PDGFC: variants seen among roughly 807,000 people sequenced by gnomAD.
The protein encoded by PDGFC is platelet derived growth factor C.
A neutral mutation model predicts 35.5 loss-of-function variants in PDGFC; 12 were observed. The ratio of observed to expected loss-of-function variants is 0.34; its 90% CI spans 0.22 to 0.55. The LOEUF is 0.55. Among genes scored for constraint, PDGFC ranks in the 20% least tolerant of loss-of-function variants. The probability of loss-of-function intolerance (pLI) is 0.91; values close to 1 mark genes in which losing one functional copy is unlikely to be tolerated. For missense variants in PDGFC, 322 were observed against 412.4 expected (o/e 0.78, Z 1.90); for synonymous variants, 159 against 148.8 (o/e 1.07, Z -0.50).
In PDGFC at chr4:156,939,218, C is replaced by T. The variant is rs915324918; in HGVS notation, c.118+31568G>A. ...TGCCAAGCTCTACCCTAAAGCTCTA[C>T]TGTAGTTACTAGATCACCGCTTTAA... On this transcript the variant is annotated intron_variant, in intron 1 of 5. Coordinates refer to ENST00000502773, the MANE Select transcript of PDGFC (RefSeq NM_016205.3). Among the ~76,000 whole-genome samples, 77 of 152,046 alleles carry T rather than the reference C, an allele frequency of 5.1e-4. 2 individuals carry two copies. The highest frequency in any genetic ancestry group is 4.4e-5 in the Non-Finnish European group (3 of 67,956).
chr4:156,769,058 G>T (rs1284810645), intron 4 of PDGFC, among the ~76,000 whole-genome samples: 1 of 151,624 alleles, frequency 6.6e-6, no homozygotes, highest in Non-Finnish European at 1.5e-5. Flanking sequence ...CAATGAGATT[G>T]AATACTTTCA....
chr4:156,933,530 C>G (rs1731602127), intron 1 of PDGFC, among the ~76,000 whole-genome samples: 1 of 152,166 alleles, frequency 6.6e-6, no homozygotes, highest in African/African-American at 2.4e-5. Context: ...AGGTTGTTCT[C>G]AATTTTTTGC....
In PDGFC at chr4:156,772,902, A is replaced by C; in HGVS notation, c.496-9T>G. 1 of 1,593,120 alleles carries C rather than the reference A, an allele frequency of 6.3e-7. No homozygotes were observed. Among genetic ancestry groups the C allele is most frequent in the Non-Finnish European group, 8.6e-7 (1 of 1,161,296 alleles). On this transcript the variant is annotated splice_polypyrimidine_tract_variant and intron_variant, in intron 3 of 5. Coordinates refer to ENST00000502773, the MANE Select transcript of PDGFC (RefSeq NM_016205.3). ...ACAGCTTCTGTGAATTGCTGAAAGT[A>C]AAATGAATCCTGTGTTAACTGTTTT...
chr4:156,894,798 G>C (rs6812798), intron 1 of PDGFC, among the ~76,000 whole-genome samples: 95,581 of 151,974 alleles, frequency 0.63, 32,220 homozygotes, highest in Non-Finnish European at 0.74. Context: ...CAAAAAAAAG[G>C]CTCAGCACTC....
intron 1 of PDGFC, among the ~76,000 whole-genome samples, chr4:156,862,333 T>G (rs961044255): frequency 6.6e-6 from 1 of 152,104 alleles, no homozygotes; most frequent in Admixed American, 6.5e-5. Context: ...ACAGAAATAA[T>G]AAAATTATTT....
At chr4:156,790,319 G>A (rs1008494915) in intron 3 of PDGFC, among the ~76,000 whole-genome samples, 1 of 152,184 alleles carries the variant, frequency 6.6e-6, no homozygotes, top group Non-Finnish European at 1.5e-5. Flanking sequence ...ATAAGGACCT[G>A]TGAGAGGAAG....
chr4:156,965,474 A>C (rs1732443875), intron 1 of PDGFC, among the ~76,000 whole-genome samples: 1 of 152,156 alleles, frequency 6.6e-6, no homozygotes, highest in Admixed American at 6.5e-5. Context: ...ATAATTAATT[A>C]ATTAACCTTG....
chr4:156,796,946 A>G (rs1731459333), intron 3 of PDGFC, among the ~76,000 whole-genome samples: 2 of 152,154 alleles, frequency 1.3e-5, no homozygotes, highest in African/African-American at 2.4e-5. Context: ...AGAAAGTATT[A>G]AAAGAAAAAT....
intron 2 of PDGFC, among the ~76,000 whole-genome samples, chr4:156,829,447 T>C (rs894840441): frequency 6.6e-6 from 1 of 152,300 alleles, no homozygotes; most frequent in East Asian, 1.9e-4. Flanking sequence ...CTTGGCTAAA[T>C]CTACCATCCT....
chr4:156,923,132 G>C (rs1356804933), intron 1 of PDGFC, among the ~76,000 whole-genome samples: 1 of 152,052 alleles, frequency 6.6e-6, no homozygotes, highest in Non-Finnish European at 1.5e-5. Flanking sequence ...GATCTGCAAA[G>C]CTGTGCTGCG....
intron 3 of PDGFC, among the ~76,000 whole-genome samples, chr4:156,808,594 T>C (rs1199842478): frequency 6.6e-6 from 1 of 152,026 alleles, no homozygotes; most frequent in South Asian, 2.1e-4. Flanking sequence ...TAGGCTTTCA[T>C]TAATCTGTTA....
At chr4:156,789,836 G>A (rs188700712) in intron 3 of PDGFC, among the ~76,000 whole-genome samples, 1 of 152,074 alleles carries the variant, frequency 6.6e-6, no homozygotes, top group East Asian at 1.9e-4. Context: ...AGTTAGCCAG[G>A]CATGGTGACG....
chr4:156,821,034 T>C (rs74732169), intron 2 of PDGFC, among the ~76,000 whole-genome samples: 8,994 of 152,194 alleles, frequency 0.059, 373 homozygotes, highest in Middle Eastern at 0.12. Flanking sequence ...TAATAATAGA[T>C]TCCCATGAGA....
At chr4:156,953,230 C>T (rs114623327) in intron 1 of PDGFC, among the ~76,000 whole-genome samples, 1,730 of 151,978 alleles carry the variant, frequency 0.011, 28 homozygotes, top group African/African-American at 0.039. Context: ...TCCTCATTTT[C>T]CAGTCACCAA....
At chr4:156,958,228 T>C (rs1382012215) in intron 1 of PDGFC, among the ~76,000 whole-genome samples, 4 of 151,730 alleles carry the variant, frequency 2.6e-5, no homozygotes, top group South Asian at 2.1e-4. Flanking sequence ...ACCTAAGGCA[T>C]AGAAGTGTGA....
At chr4:156,925,676 C>A (rs1044704430) in intron 1 of PDGFC, among the ~76,000 whole-genome samples, 2 of 150,592 alleles carry the variant, frequency 1.3e-5, no homozygotes, top group African/African-American at 4.9e-5. Context: ...ACATGGAGAT[C>A]ATCTACATAC....
rs1440153155 is a variant in PDGFC at position 156,763,501 on chromosome 4, TCTGA to T, written c.922-299_922-296del. The stretch of plus-strand genomic sequence containing the variant: ...CACCACGCAATTGTTATTTTATTTA[TCTGA>T]CTATTTTAGAATTTCACCTTAAGTA... On this transcript the variant is annotated intron_variant, in intron 5 of 5. Transcript: ENST00000502773. Among the ~76,000 whole-genome samples the T allele has an allele frequency of 4.6e-5, 7 of 152,320 alleles. No homozygotes were observed. In the East Asian group the frequency reaches 5.8e-4, roughly 13 times the overall value.
intron 1 of PDGFC, among the ~76,000 whole-genome samples, chr4:156,925,456 C>T (rs1285403163): frequency 2.6e-5 from 4 of 152,142 alleles, no homozygotes; most frequent in Admixed American, 1.3e-4. Context: ...AGATACAGAA[C>T]CACTGAGACT....
At chr4:156,878,683 T>C (rs915029423) in intron 1 of PDGFC, among the ~76,000 whole-genome samples, 2 of 152,148 alleles carry the variant, frequency 1.3e-5, no homozygotes, top group Non-Finnish European at 2.9e-5. Context: ...TTGAGCTTCA[T>C]GTTGACACTC....
Sources: gnomAD v4.1 joint callset for allele counts (sites outside exome capture counted in the v4.1 genomes callset) on GRCh38, gnomAD v4.1.1 for gene constraint, MANE v1.5 for transcripts, NCBI Gene and HGNC (gene_info 2026-07-23, HGNC 2026-07-21) for gene names.